ARHGEF7: variants seen among roughly 807,000 people sequenced by gnomAD.
The protein encoded by ARHGEF7 is PAK-interacting exchange factor beta.
In ARHGEF7, 33 loss-of-function variants were observed where a neutral mutation model predicts 109.8. That is an observed-to-expected ratio of 0.30 (90% CI 0.23 to 0.40). The LOEUF (loss-of-function observed/expected upper bound fraction) is 0.40. Among genes scored for constraint, ARHGEF7 ranks in the 10% least tolerant of loss-of-function variants. The probability of loss-of-function intolerance (pLI) is 1.00; values close to 1 mark genes in which losing one functional copy is unlikely to be tolerated. For missense variants in ARHGEF7, 938 were observed against 1,098.5 expected (o/e 0.85, Z 2.07); for synonymous variants, 458 against 424.6 (o/e 1.08, Z -0.97).
At chr13:111,140,185 T>C (rs1454210987) in intron 1 of ARHGEF7, among the ~76,000 whole-genome samples, 3 of 152,234 alleles carry the variant, frequency 2.0e-5, no homozygotes, top group Non-Finnish European at 2.9e-5. Flanking sequence ...TGCCTGTCTG[T>C]ATATGCCATC....
At position 111,123,021 on chromosome 13, in the gene ARHGEF7, C is replaced by T. The variant is rs572056337; in HGVS notation, c.165+7330C>T. Among the ~76,000 whole-genome samples, 6 of 152,306 alleles carry T rather than the reference C, an allele frequency of 3.9e-5. No individual in the cohort carries two copies. The South Asian group carries it at 6.2e-4, about 16-fold the overall frequency. ...CAGAGTGGAGAAGGGTTGGGGTAGA[C>T]GATAGAAGTGGCCCCAATTCTCCAA... On this transcript the variant is annotated intron_variant, in intron 1 of 21. Transcript: ENST00000646102.
At chr13:111,214,719 A>G (rs1293214592) in intron 4 of ARHGEF7, among the ~76,000 whole-genome samples, 1 of 152,210 alleles carries the variant, frequency 6.6e-6, no homozygotes, top group Non-Finnish European at 1.5e-5. Flanking sequence ...TGCGCTGGTA[A>G]TTGTTCGCTG....
chr13:111,259,813 G>GCA (rs1394688098), intron 8 of ARHGEF7, among the ~76,000 whole-genome samples: 1 of 152,136 alleles, frequency 6.6e-6, no homozygotes, highest in Non-Finnish European at 1.5e-5. Flanking sequence ...ACAGATATGT[G>GCA]ACCTTTCAGA....
chr13:111,134,845 G>A (rs1318686126), intron 1 of ARHGEF7, among the ~76,000 whole-genome samples: 1 of 149,592 alleles, frequency 6.7e-6, no homozygotes, highest in Non-Finnish European at 1.5e-5. Context: ...TGCTTTTGGT[G>A]TTTTAGTCAT....
At chr13:111,129,676 A>G (rs1368879897) in intron 1 of ARHGEF7, among the ~76,000 whole-genome samples, 1 of 152,226 alleles carries the variant, frequency 6.6e-6, no homozygotes, top group East Asian at 1.9e-4. Context: ...GGAGATAGAT[A>G]CCACTACACA....
intron 6 of ARHGEF7, among the ~76,000 whole-genome samples, chr13:111,240,569 G>A (rs2087598053): frequency 6.6e-6 from 1 of 152,214 alleles, no homozygotes; most frequent in African/African-American, 2.4e-5. Context: ...CGTGGAGTCA[G>A]ATGTTTATTA....
chr13:111,266,094 C>T lies in ARHGEF7; in HGVS notation c.951-1454C>T, dbSNP rs1011177409. On this transcript the variant is annotated intron_variant, in intron 8 of 21. Transcript: ENST00000646102. This position sits in a 1 kb window ranked among gnomAD's most constrained non-coding sequence, Gnocchi z 4.8. ...TTGCATTCCTCTGTCATTTTGGTCA[C>T]GTACCTGCTCTGGGAACTTCCCGAG... Among the ~76,000 whole-genome samples, 13 of 152,156 alleles carry T rather than the reference C, an allele frequency of 8.5e-5. No individual in the cohort carries two copies. The highest frequency in any genetic ancestry group is 2.9e-4 in the African/African-American group (12 of 41,424).
intron 3 of ARHGEF7, 103 bp downstream of exon 3, chr13:111,205,476 A>G (rs948415206): frequency 4.3e-5 from 31 of 717,720 alleles, no homozygotes; most frequent in South Asian, 6.9e-5. Context: ...ACTGAATTTA[A>G]AAAATAAGCT....
At chr13:111,219,607 T>G (rs1042117722) in intron 5 of ARHGEF7, among the ~76,000 whole-genome samples, 11 of 152,048 alleles carry the variant, frequency 7.2e-5, no homozygotes, top group African/African-American at 2.4e-4. Flanking sequence ...CCACAAGCAG[T>G]GCACAGGGTT....
intron 18 of ARHGEF7, among the ~76,000 whole-genome samples, chr13:111,290,648 C>T (rs986623082): frequency 6.6e-6 from 1 of 152,246 alleles, no homozygotes; most frequent in Non-Finnish European, 1.5e-5. Context: ...GGGGAATGGC[C>T]CACAATTCCT....
intron 8 of ARHGEF7, among the ~76,000 whole-genome samples, chr13:111,248,477 T>C (rs1435205511): frequency 1.3e-5 from 2 of 152,114 alleles, no homozygotes; most frequent in African/African-American, 4.8e-5. Flanking sequence ...TTACTGTTTC[T>C]ACTCTGCCTT....
chr13:111,167,780 G>C (rs748913811), intron 2 of ARHGEF7, among the ~76,000 whole-genome samples: 5 of 152,148 alleles, frequency 3.3e-5, no homozygotes, highest in African/African-American at 7.2e-5. Context: ...TCTTTTTCAG[G>C]AACTGAGGCC....
chr13:111,118,082 A>C (rs995711181), intron 1 of ARHGEF7, among the ~76,000 whole-genome samples: 1 of 152,274 alleles, frequency 6.6e-6, no homozygotes, highest in Admixed American at 6.5e-5. Context: ...AGCGGAGGGC[A>C]AGTGGCCTGC....
At chr13:111,123,868 C>A (rs1364447287) in intron 1 of ARHGEF7, among the ~76,000 whole-genome samples, 1 of 145,138 alleles carries the variant, frequency 6.9e-6, no homozygotes. Context: ...CTGCGCCCCC[C>A]CCCCCCGGCC....
rs766197542 is a variant in ARHGEF7 at position 111,273,970 on chromosome 13, T to G, written c.1212+18T>G. The G allele has an allele frequency of 1.2e-6, 2 of 1,613,208 alleles. No individual in the cohort carries two copies. Among genetic ancestry groups the G allele is most frequent in the Non-Finnish European group, 1.7e-6 (2 of 1,179,260 alleles). On this transcript the variant is annotated intron_variant, in intron 10 of 21. Coordinates refer to ENST00000646102, the MANE Select transcript of ARHGEF7 (RefSeq NM_001354046.2). This position sits in a 1 kb window ranked among gnomAD's most constrained non-coding sequence, Gnocchi z 4.5. ...ACATGGAGGTACTGCGCTTTCATTC[T>G]CTTACTTGGAGTCCTTACCAAGGGT...
At chr13:111,156,342 G>A (rs2076331470) in intron 2 of ARHGEF7, among the ~76,000 whole-genome samples, 1 of 152,154 alleles carries the variant, frequency 6.6e-6, no homozygotes. Context: ...TCATTTTAAA[G>A]TAAAAAATTA....
chr13:111,116,663 AG>A (rs1227719280), intron 1 of ARHGEF7: 1 of 152,206 alleles, frequency 6.6e-6, no homozygotes, highest in Admixed American at 6.5e-5. Flanking sequence ...ATTAGGAAGA[AG>A]GATTTCAGTT....
chr13:111,183,254 T>C (rs896639614), intron 2 of ARHGEF7, among the ~76,000 whole-genome samples: 7 of 152,170 alleles, frequency 4.6e-5, no homozygotes, highest in Non-Finnish European at 8.8e-5. Flanking sequence ...GAAATACATA[T>C]GCAGTGGACA....
rs754821417 is a variant in ARHGEF7 at position 111,202,714 on chromosome 13, A to G, written c.253-2575A>G. The stretch of plus-strand genomic sequence containing the variant: ...CAGAGAGATTTCTATAAAAGTTTTG[A>G]GACTTCCCTATTATTCCCATAGTAC... On this transcript the variant is annotated intron_variant, in intron 2 of 21. Transcript: ENST00000646102. Among the ~76,000 whole-genome samples, 53 of 152,214 alleles carry G rather than the reference A, an allele frequency of 3.5e-4. 1 individual carries two copies. Among genetic ancestry groups the G allele is most frequent in the Admixed American group, 1.3e-4 (2 of 15,284 alleles).
Sources: allele counts gnomAD v4.1 joint callset (sites outside exome capture counted in the v4.1 genomes callset), GRCh38; gene constraint gnomAD v4.1.1; non-coding constraint Gnocchi (gnomAD v3.1); transcripts MANE v1.5; gene names NCBI Gene and HGNC (gene_info 2026-07-23, HGNC 2026-07-21).